The following MCTP2 variants were observed in gnomAD, a reference collection of about 807,000 sequenced individuals.
MCTP2 encodes multiple C2 and transmembrane domain-containing protein 2.
A neutral mutation model predicts 111.6 loss-of-function variants in MCTP2; 132 were observed. That is an observed-to-expected ratio of 1.18 (90% CI 1.03 to 1.37). The LOEUF is 1.37. Among genes scored for constraint, MCTP2 ranks in the 40% most tolerant of loss-of-function variants. The probability of loss-of-function intolerance (pLI) is 0.00; values close to 1 mark genes in which losing one functional copy is unlikely to be tolerated. For missense variants in MCTP2, 1,183 were observed against 1,067.9 expected (o/e 1.11, Z -1.50); for synonymous variants, 395 against 387.7 (o/e 1.02, Z -0.22).
At chr15:94,372,783 A>T (rs1430837953) in intron 12 of MCTP2, among the ~76,000 whole-genome samples, 2 of 152,152 alleles carry the variant, frequency 1.3e-5, no homozygotes, top group African/African-American at 4.8e-5. Flanking sequence ...AAATTAAAAA[A>T]AAAAGCATTT....
At chr15:94,383,594 A>C (rs532835074) in intron 12 of MCTP2, among the ~76,000 whole-genome samples, 2 of 152,358 alleles carry the variant, frequency 1.3e-5, no homozygotes, top group East Asian at 3.9e-4. Flanking sequence ...GGCATCAGGC[A>C]AAAGAGAATG....
intron 1 of MCTP2, among the ~76,000 whole-genome samples, chr15:94,243,783 ATATG>A (rs1256329647): frequency 6.7e-6 from 1 of 148,220 alleles, no homozygotes; most frequent in Non-Finnish European, 1.5e-5. Flanking sequence ...ATGAACATAT[ATATG>A]TATATACACA....
At position 94,405,247 on chromosome 15, in the gene MCTP2, G is replaced by GT. The variant is rs571434235; in HGVS notation, c.2085+3234dup. ...AACTGAAGGGATGTGTTTTTCTTCT[G>GT]TTTTTTGAGAAAACATAAAATATTA... On this transcript the variant is annotated intron_variant, in intron 17 of 22. Transcript: ENST00000357742. 6.6e-5 allele frequency among the ~76,000 whole-genome samples: 10 copies of GT among 152,220 alleles called. 1 individual carries two copies. In the South Asian group the frequency reaches 2.1e-3, roughly 32 times the overall value.
intron 1 of MCTP2, among the ~76,000 whole-genome samples, chr15:94,260,862 C>T (rs896899517): frequency 6.6e-6 from 1 of 152,010 alleles, no homozygotes; most frequent in African/African-American, 2.4e-5. Context: ...CTCATTATAC[C>T]CTCCTCCCTT....
intron 8 of MCTP2, among the ~76,000 whole-genome samples, chr15:94,351,770 C>T (rs2078316082): frequency 6.6e-6 from 1 of 152,130 alleles, no homozygotes; most frequent in African/African-American, 2.4e-5. Context: ...AGAATTATCC[C>T]GTGGGTATTG....
At chr15:94,303,061 AAT>A (rs144576513) in intron 2 of MCTP2, among the ~76,000 whole-genome samples, 2 of 112,770 alleles carry the variant, frequency 1.8e-5, no homozygotes, top group Admixed American at 9.1e-5. Flanking sequence ...GAACTAATGG[AAT>A]ATATATATAT....
intron 1 of MCTP2, among the ~76,000 whole-genome samples, chr15:94,254,060 C>T (rs2072610789): frequency 1.3e-5 from 2 of 152,034 alleles, no homozygotes; most frequent in Non-Finnish European, 2.9e-5. Context: ...CTGTGAATAC[C>T]TCGATATTTG....
chr15:94,419,388 A>AT (rs1299528468), intron 17 of MCTP2, among the ~76,000 whole-genome samples: 1 of 152,146 alleles, frequency 6.6e-6, no homozygotes. Context: ...CTTTCTTTAT[A>AT]TTATGGTACC....
intron 20 of MCTP2, among the ~76,000 whole-genome samples, chr15:94,465,355 A>G (rs966874219): frequency 1.3e-5 from 2 of 152,100 alleles, no homozygotes; most frequent in African/African-American, 4.8e-5. Flanking sequence ...GCTTTTTCCT[A>G]TACAGGCATG....
chr15:94,275,939 C>T (rs766342198), intron 1 of MCTP2, among the ~76,000 whole-genome samples: 13 of 150,362 alleles, frequency 8.6e-5, no homozygotes, highest in Admixed American at 3.3e-4. Context: ...ACCTCTGCCT[C>T]CCTGGTTCAA....
intron 4 of MCTP2, among the ~76,000 whole-genome samples, chr15:94,318,386 C>A (rs778887576): frequency 6.6e-6 from 1 of 151,370 alleles, no homozygotes; most frequent in Non-Finnish European, 1.5e-5. Flanking sequence ...TGGGTTCAAG[C>A]GATTCTCCTG....
intron 12 of MCTP2, among the ~76,000 whole-genome samples, chr15:94,378,850 T>C (rs1191476128): frequency 1.3e-5 from 2 of 152,156 alleles, no homozygotes; most frequent in South Asian, 2.1e-4. Context: ...CAACATTTCA[T>C]TTTCTTTTAA....
At chr15:94,251,276 A>T (rs2072401976) in intron 1 of MCTP2, among the ~76,000 whole-genome samples, 1 of 152,198 alleles carries the variant, frequency 6.6e-6, no homozygotes, top group Non-Finnish European at 1.5e-5. Context: ...CTGTACATTC[A>T]TTCCAACTTG....
At chr15:94,468,760 C>G (rs12594701) in intron 20 of MCTP2, among the ~76,000 whole-genome samples, 31 of 152,116 alleles carry the variant, frequency 2.0e-4, no homozygotes. Context: ...TCCCAAGTAG[C>G]TGAGATTACA....
At chr15:94,437,974 G>C (rs1249078857) in intron 17 of MCTP2, among the ~76,000 whole-genome samples, 2 of 151,924 alleles carry the variant, frequency 1.3e-5, no homozygotes, top group African/African-American at 4.8e-5. Flanking sequence ...CAACAAAATT[G>C]AGACAGAATA....
intron 17 of MCTP2, among the ~76,000 whole-genome samples, chr15:94,422,374 T>C (rs2082667393): frequency 6.6e-6 from 1 of 152,012 alleles, no homozygotes; most frequent in South Asian, 2.1e-4. Context: ...AAATCCATGG[T>C]GTTTCCCCAC....
chr15:94,400,029 T>C (rs1352231016), intron 16 of MCTP2, 34 bp downstream of exon 16: 3 of 1,573,378 alleles, frequency 1.9e-6, no homozygotes, highest in Non-Finnish European at 2.6e-6. Flanking sequence ...TGTTGATTGG[T>C]ACACTCAGCA....
At chr15:94,294,552 G>T (rs907071667) in intron 1 of MCTP2, among the ~76,000 whole-genome samples, 1 of 152,158 alleles carries the variant, frequency 6.6e-6, no homozygotes, top group African/African-American at 2.4e-5. Flanking sequence ...CCTGGCACAG[G>T]ACAGTGTAGT....
At chr15:94,425,829 T>TA (rs2082862390) in intron 17 of MCTP2, among the ~76,000 whole-genome samples, 1 of 152,164 alleles carries the variant, frequency 6.6e-6, no homozygotes, top group African/African-American at 2.4e-5. Flanking sequence ...AAAAGAGACT[T>TA]AAACAGTACT....
Sources: allele counts gnomAD v4.1 joint callset (sites outside exome capture counted in the v4.1 genomes callset), GRCh38; gene constraint gnomAD v4.1.1; transcripts MANE v1.5; gene names NCBI Gene and HGNC (gene_info 2026-07-23, HGNC 2026-07-21).